DCC: variants seen among roughly 807,000 people sequenced by gnomAD.
DCC encodes netrin receptor DCC.
In DCC, 58 loss-of-function variants were observed where a neutral mutation model predicts 172.5. The observed-to-expected ratio is 0.34, with a 90% confidence interval of 0.27 to 0.42. The LOEUF (loss-of-function observed/expected upper bound fraction) is 0.42. DCC is among the 10% of genes least tolerant of loss of function. The pLI, the probability that DCC is intolerant of heterozygous loss-of-function variation, is 1.00. For synonymous variants in DCC, 709 were observed against 644.5 expected (o/e 1.10, Z -1.52); for missense variants, 1,740 against 1,791.0 (o/e 0.97, Z 0.51).
At chr18:53,114,433 G>C (rs1256754453) in intron 7 of DCC, among the ~76,000 whole-genome samples, 2 of 151,594 alleles carry the variant, frequency 1.3e-5, no homozygotes, top group African/African-American at 4.8e-5. Flanking sequence ...ACATAAAAAA[G>C]TAATAGAGTA....
At chr18:52,561,225 C>T (rs1175616277) in intron 1 of DCC, among the ~76,000 whole-genome samples, 2 of 151,616 alleles carry the variant, frequency 1.3e-5, no homozygotes, top group African/African-American at 4.8e-5. Context: ...AATAAAATAT[C>T]TATTCATATT....
At chr18:53,350,372 A>G (rs1288587659) in intron 15 of DCC, among the ~76,000 whole-genome samples, 1 of 152,218 alleles carries the variant, frequency 6.6e-6, no homozygotes, top group Admixed American at 6.5e-5. Context: ...TTTTAACCAT[A>G]GTACATAAAT....
intron 5 of DCC, among the ~76,000 whole-genome samples, chr18:53,004,267 G>C (rs2041611504): frequency 6.6e-6 from 1 of 152,136 alleles, no homozygotes; most frequent in East Asian, 1.9e-4. Context: ...TTTTGAAAGG[G>C]CCTTAGCCCT....
intron 7 of DCC, among the ~76,000 whole-genome samples, chr18:53,142,566 A>G (rs2043847104): frequency 1.3e-5 from 2 of 152,186 alleles, no homozygotes; most frequent in Admixed American, 1.3e-4. Context: ...TTTAACTATA[A>G]TTTAAGCAAC....
chr18:53,474,093 A>G (rs190326947), intron 25 of DCC, among the ~76,000 whole-genome samples: 1 of 152,196 alleles, frequency 6.6e-6, no homozygotes, highest in Non-Finnish European at 1.5e-5. Context: ...TCCAAAATTT[A>G]TAAGAATATT....
At chr18:52,977,966 T>C (rs942778403) in intron 5 of DCC, among the ~76,000 whole-genome samples, 7 of 152,074 alleles carry the variant, frequency 4.6e-5, no homozygotes, top group Non-Finnish European at 1.0e-4. Context: ...CTTTTGTCTT[T>C]TGATTTAAAT....
intron 1 of DCC, among the ~76,000 whole-genome samples, chr18:52,657,082 A>G (rs1234962372): frequency 6.6e-6 from 1 of 152,204 alleles, no homozygotes; most frequent in East Asian, 1.9e-4. Context: ...ACTGCAATAT[A>G]CAAGATTAAA....
At chr18:53,508,450 C>T (rs1251904620) in intron 27 of DCC, among the ~76,000 whole-genome samples, 1 of 152,068 alleles carries the variant, frequency 6.6e-6, no homozygotes, top group African/African-American at 2.4e-5. Flanking sequence ...ACCTCACTCT[C>T]CCAAAGTGTT....
intron 1 of DCC, among the ~76,000 whole-genome samples, chr18:52,481,602 C>T (rs2029963836): frequency 6.6e-6 from 1 of 151,898 alleles, no homozygotes; most frequent in South Asian, 2.1e-4. Context: ...TACGTGCATA[C>T]ATAAAGAGTC....
At chr18:53,045,170 G>C (rs1367238710) in intron 5 of DCC, among the ~76,000 whole-genome samples, 2 of 151,850 alleles carry the variant, frequency 1.3e-5, no homozygotes, top group East Asian at 3.9e-4. Context: ...GTACAATTAT[G>C]CAAATACTTT....
intron 1 of DCC, among the ~76,000 whole-genome samples, chr18:52,450,051 T>C (rs1988252847): frequency 6.6e-6 from 1 of 152,178 alleles, no homozygotes; most frequent in Non-Finnish European, 1.5e-5. Flanking sequence ...TAATTTACAA[T>C]TGGGAAAAGA....
At chr18:53,167,611 A>G (rs2054941900) in intron 8 of DCC, among the ~76,000 whole-genome samples, 1 of 152,190 alleles carries the variant, frequency 6.6e-6, no homozygotes, top group African/African-American at 2.4e-5. Flanking sequence ...GCATTTATTT[A>G]AAAAATTATG....
intron 12 of DCC, among the ~76,000 whole-genome samples, chr18:53,226,800 G>A (rs894531819): frequency 2.0e-5 from 3 of 151,072 alleles, no homozygotes; most frequent in African/African-American, 4.9e-5. Flanking sequence ...GAAAATGCAA[G>A]TCATAAAACT....
At chr18:52,484,103 G>A (rs2030090778) in intron 1 of DCC, among the ~76,000 whole-genome samples, 1 of 152,014 alleles carries the variant, frequency 6.6e-6, no homozygotes, top group Non-Finnish European at 1.5e-5. Flanking sequence ...TTATGTGAAT[G>A]GGCTAGGAAA....
At chr18:52,589,941 A>G (rs2033760565) in intron 1 of DCC, among the ~76,000 whole-genome samples, 1 of 152,172 alleles carries the variant, frequency 6.6e-6, no homozygotes, top group Admixed American at 6.5e-5. Context: ...TTTGTTGATG[A>G]TCTATTGATT....
chr18:52,851,058 G>C (rs2038968485), intron 2 of DCC, among the ~76,000 whole-genome samples: 1 of 152,072 alleles, frequency 6.6e-6, no homozygotes, highest in Admixed American at 6.5e-5. Context: ...TCAGTAAGTA[G>C]ATAATTATAA....
chr18:53,343,769 G>A (rs2057688876), intron 15 of DCC, among the ~76,000 whole-genome samples: 1 of 151,920 alleles, frequency 6.6e-6, no homozygotes, highest in African/African-American at 2.4e-5. Context: ...TTTCACTAAT[G>A]AAATCATCTG....
chr18:52,606,589 G>A (rs1390265193), intron 1 of DCC, among the ~76,000 whole-genome samples: 3 of 152,072 alleles, frequency 2.0e-5, no homozygotes, highest in Admixed American at 6.6e-5. Flanking sequence ...GATAAAGATC[G>A]CTATGAACTA....
chr18:52,447,047 A>C (rs886877988), intron 1 of DCC, among the ~76,000 whole-genome samples: 1 of 152,222 alleles, frequency 6.6e-6, no homozygotes, highest in Non-Finnish European at 1.5e-5. Flanking sequence ...ATTTTGAAAC[A>C]ATTCTTTTCT....
Sources: allele counts gnomAD v4.1 joint callset (sites outside exome capture counted in the v4.1 genomes callset), GRCh38; gene constraint gnomAD v4.1.1; transcripts MANE v1.5; gene names NCBI Gene and HGNC (gene_info 2026-07-23, HGNC 2026-07-21).